Variants in GEMIN2 observed in about 807,000 individuals in gnomAD.
GEMIN2 encodes the protein gem nuclear organelle associated protein 2, also known as gem-associated protein 2.
Under a neutral mutation model 45.8 loss-of-function variants are expected in GEMIN2, and 37 were observed. That is an observed-to-expected ratio of 0.81 (90% CI 0.62 to 1.06). GEMIN2 has a LOEUF of 1.06. Among genes scored for constraint, GEMIN2 ranks in the 50% least tolerant of loss-of-function variants. GEMIN2 has a pLI of 0.00. For missense variants in GEMIN2, 335 were observed against 321.8 expected (o/e 1.04, Z -0.31); for synonymous variants, 101 against 111.5 (o/e 0.91, Z 0.60).
chr14:39,131,037 C>A (rs528428756), intron 7 of GEMIN2, among the ~76,000 whole-genome samples: 34 of 152,148 alleles, frequency 2.2e-4, no homozygotes, highest in African/African-American at 8.0e-4. Flanking sequence ...GTGGCTCACG[C>A]CTGTAATCTC....
In GEMIN2 at chr14:39,122,485, G is replaced by A. The variant is rs768752079; in HGVS notation, c.428G>A (p.Cys143Tyr). 4 of 1,609,564 alleles carry A rather than the reference G, an allele frequency of 2.5e-6. No homozygotes were observed. Among genetic ancestry groups the A allele is most frequent in the Non-Finnish European group, 3.4e-6 (4 of 1,177,444 alleles). ...WKKFCLGEKLCADGAVGPATN... is the reference protein window; with the variant it reads ...WKKFCLGEKLYADGAVGPATN... ...AAATTTTGTCTGGGTGAAAAGTTAT[G>A]TGCTGACGGGGCTGTTGGACCAGCC... is the stretch of plus-strand genomic sequence containing the variant. Residue 143 changes from cysteine (C) to tyrosine (Y), a missense_variant, in exon 5 of 10, where the codon TGT (cysteine) becomes TAT (tyrosine). Physicochemically the swap from Cys to Tyr is radical, Grantham distance 194 (BLOSUM62 -2). Coordinates refer to ENST00000308317, the MANE Select transcript of GEMIN2 (RefSeq NM_003616.3).
chr14:39,128,415 C>A, intron 7 of GEMIN2, 67 bp downstream of exon 7: 1 of 777,542 alleles, frequency 1.3e-6, no homozygotes, highest in Non-Finnish European at 2.3e-6. Context: ...AACTGTGGGC[C>A]ACATATACAA....
intron 2 of GEMIN2, among the ~76,000 whole-genome samples, chr14:39,116,199 C>A (rs1474052664): frequency 1.3e-5 from 2 of 151,818 alleles, no homozygotes; most frequent in African/African-American, 2.4e-5. Context: ...CCACACCTGA[C>A]TAATTTTTGT....
intron 7 of GEMIN2, among the ~76,000 whole-genome samples, chr14:39,128,650 CCA>C (rs1275371489): frequency 2.0e-5 from 3 of 151,454 alleles, no homozygotes; most frequent in African/African-American, 7.3e-5. Context: ...GCAGCCACGC[CCA>C]GTTTTTTTTG....
chr14:39,135,654 G>A (rs117392500), intron 9 of GEMIN2, among the ~76,000 whole-genome samples: 1,542 of 152,130 alleles, frequency 0.01, 13 homozygotes, highest in Middle Eastern at 0.021. Context: ...TAAGCCCAGT[G>A]CTTTGGGAGG....
In GEMIN2 at chr14:39,132,146, G is replaced by A; in HGVS notation, c.711+78G>A. On this transcript the variant is annotated intron_variant, in intron 8 of 9. Transcript: ENST00000308317. The stretch of plus-strand genomic sequence containing the variant: ...GGTAAAGAAGGAGTTCAGTGAAATA[G>A]GAAAACACATGGAATATTTTATTGG... The A allele has an allele frequency of 4.1e-6, 3 of 734,686 alleles. No individual in the cohort carries two copies. The East Asian group carries it at 7.5e-5, about 18-fold the overall frequency. 45.5% of individuals were successfully genotyped at this position (734,686 alleles called of 1,614,324 possible). A position where few individuals can be genotyped will look rare whatever the true frequency, so the allele number is the denominator to read the frequency against.
intron 5 of GEMIN2, among the ~76,000 whole-genome samples, chr14:39,123,439 A>G (rs771583893): frequency 2.9e-4 from 44 of 152,024 alleles, no homozygotes; most frequent in Non-Finnish European, 6.0e-4. Flanking sequence ...TTATATGACA[A>G]GATGCCAAAA....
In GEMIN2 at chr14:39,133,855, G is replaced by A. The variant is rs187315790; in HGVS notation, c.770+136G>A. The A allele has an allele frequency of 5.2e-3, 2,606 of 505,424 alleles. 7 individuals are homozygous for A. The highest frequency in any genetic ancestry group is 7.2e-3 in the Non-Finnish European group (2,064 of 285,176). 31.3% of individuals were successfully genotyped at this position (505,424 alleles called of 1,614,324 possible). On this transcript the variant is annotated intron_variant, in intron 9 of 9. Coordinates refer to ENST00000308317, the MANE Select transcript of GEMIN2 (RefSeq NM_003616.3). Reference sequence around the variant, plus strand: ...GTTGCTATAGTTAGGGTGCAGTGGCGCAATCACAGCTCACTAGAGCTTTAA... The same window carrying A: ...GTTGCTATAGTTAGGGTGCAGTGGCACAATCACAGCTCACTAGAGCTTTAA...
rs9672075 is a variant in GEMIN2 at position 39,133,008 on chromosome 14, A to G, written c.712-653A>G. ...TGTGTGTGTGTGTGTGTGTATATATATGTGTGTGTGTGTGTGTGTATATAT... is the reference window on the plus strand; with the variant it reads ...TGTGTGTGTGTGTGTGTGTATATATGTGTGTGTGTGTGTGTGTGTATATAT... On this transcript the variant is annotated intron_variant, in intron 8 of 9. Transcript: ENST00000308317. 9.3e-3 allele frequency among the ~76,000 whole-genome samples: 632 copies of G among 67,768 alleles called. 4 individuals carry two copies. Among genetic ancestry groups the G allele is most frequent in the African/African-American group, 0.02 (369 of 18,456 alleles). The allele number at this position is 67,768 out of a possible 152,430, so 44.5% of individuals were successfully genotyped here.
chr14:39,119,638 CT>C (rs2052552528), intron 4 of GEMIN2, among the ~76,000 whole-genome samples: 1 of 152,200 alleles, frequency 6.6e-6, no homozygotes, highest in South Asian at 2.1e-4. Context: ...TTAGGCAGTG[CT>C]TCCTGATATC....
At chr14:39,129,742 A>ATG (rs891242038) in intron 7 of GEMIN2, among the ~76,000 whole-genome samples, 69 of 150,658 alleles carry the variant, frequency 4.6e-4, no homozygotes, top group Middle Eastern at 6.8e-3. Context: ...ATATTTGTAT[A>ATG]TGTGTGTGTG....
At chr14:39,130,805 G>A (rs1334584121) in intron 7 of GEMIN2, among the ~76,000 whole-genome samples, 2 of 151,962 alleles carry the variant, frequency 1.3e-5, no homozygotes. Context: ...TGAGGCAGGA[G>A]GATTGCTTGA....
chr14:39,115,786 A>T (rs1281153996), intron 2 of GEMIN2, among the ~76,000 whole-genome samples: 1 of 152,036 alleles, frequency 6.6e-6, no homozygotes, highest in African/African-American at 2.4e-5. Flanking sequence ...CACACTCTGG[A>T]CATTTTCATT....
intron 4 of GEMIN2, among the ~76,000 whole-genome samples, chr14:39,119,098 A>G (rs565332465): frequency 2.0e-5 from 3 of 152,218 alleles, no homozygotes; most frequent in South Asian, 2.1e-4. Flanking sequence ...TTAATTCACA[A>G]TATCTTGGGG....
chr14:39,128,447 A>C (rs1328201085), intron 7 of GEMIN2, 99 bp downstream of exon 7: 1 of 585,902 alleles, frequency 1.7e-6, no homozygotes. Flanking sequence ...TAGGATTATA[A>C]TACTGTATTT....
Position 39,128,067 on chromosome 14 carries a change from C to CAAAAAAAAAAAAAAA in GEMIN2, c.532-201_532-187dup, listed in dbSNP as rs1212260025. Among the ~76,000 whole-genome samples, 8 of 10,552 alleles carry CAAAAAAAAAAAAAAA rather than the reference C, an allele frequency of 7.6e-4. 4 individuals carry two copies. The highest frequency in any genetic ancestry group is 1.3e-3 in the Non-Finnish European group (4 of 3,086). 6.9% of individuals were successfully genotyped at this position (10,552 alleles called of 152,430 possible). The stretch of plus-strand genomic sequence containing the variant: ...TGGGCAACAGAGTGAGACTCTATCT[C>CAAAAAAAAAAAAAAA]AAAAAAAAAAAAAAAAAAAAAAAAA... On this transcript the variant is annotated intron_variant, in intron 6 of 9. Transcript: ENST00000308317.
rs762775139 is a variant in GEMIN2, at chr14:39,133,652, T to G, written c.712-9T>G. The G allele has an allele frequency of 1.4e-6, 2 of 1,454,610 alleles. No homozygotes were observed. Among genetic ancestry groups the G allele is most frequent in the Non-Finnish European group, 1.9e-6 (2 of 1,075,032 alleles). 90.1% of individuals were successfully genotyped at this position (1,454,610 alleles called of 1,614,324 possible). On this transcript the variant is annotated splice_polypyrimidine_tract_variant and intron_variant, in intron 8 of 9. Transcript: ENST00000308317. ...GACAATATTTAAATTTTTCTTTTTT[T>G]TTTTTTAGGATAGCAAAGATGATGA...
intron 7 of GEMIN2, among the ~76,000 whole-genome samples, chr14:39,129,941 T>TTG (rs1427901119): frequency 7.6e-6 from 1 of 132,072 alleles, no homozygotes; most frequent in Non-Finnish European, 1.6e-5. Context: ...TTTGTTTTTT[T>TTG]TTTTTTTTTT....
intron 9 of GEMIN2, 22 bp downstream of exon 9, chr14:39,133,741 TTTA>T: frequency 7.4e-7 from 1 of 1,343,472 alleles, no homozygotes; most frequent in Non-Finnish European, 1.0e-6. Context: ...CCTTGGCTTC[TTTA>T]TTATTTATCA....
Sources: gnomAD v4.1 joint callset for allele counts (sites outside exome capture counted in the v4.1 genomes callset) on GRCh38, gnomAD v4.1.1 for gene constraint, MANE v1.5 for transcripts, NCBI Gene and HGNC (gene_info 2026-07-23, HGNC 2026-07-21) for gene names.